Variants in DACH1 observed in about 807,000 individuals in gnomAD.
DACH1 encodes dachshund homolog 1.
Under a neutral mutation model 54.2 loss-of-function variants are expected in DACH1, and 12 were observed. The observed-to-expected ratio is 0.22, with a 90% CI of 0.14 to 0.36. DACH1 has a LOEUF of 0.36. Among genes scored for constraint, DACH1 ranks in the 10% least tolerant of loss-of-function variants. The probability of loss-of-function intolerance (pLI) is 1.00; values close to 1 mark genes in which losing one functional copy is unlikely to be tolerated. For synonymous variants in DACH1, 386 were observed against 366.2 expected, an observed-to-expected ratio of 1.05 and a Z score of -0.62; for missense variants, 805 against 929.8, an observed-to-expected ratio of 0.87 and a Z score of 1.75.
intron 1 of DACH1, among the ~76,000 whole-genome samples, chr13:71,701,881 C>T (rs1388690552): frequency 2.0e-5 from 3 of 152,116 alleles, no homozygotes; most frequent in Non-Finnish European, 2.9e-5. Flanking sequence ...GGAGCCTAAA[C>T]TTCTAGTCCA....
chr13:71,503,578 T>C (rs561133784), intron 6 of DACH1, among the ~76,000 whole-genome samples: 82 of 152,316 alleles, frequency 5.4e-4, no homozygotes, highest in African/African-American at 1.5e-3. Context: ...AATCCCAATA[T>C]TTACTAAATA....
intron 2 of DACH1, chr13:71,675,117 G>T (rs1413324938): frequency 1.1e-5 from 18 of 1,580,646 alleles, no homozygotes; most frequent in Non-Finnish European, 1.4e-5. Context: ...AAGCACCCAG[G>T]AAGTAACTGG....
chr13:71,856,767 T>C (rs1305640413), intron 1 of DACH1, among the ~76,000 whole-genome samples: 1 of 151,882 alleles, frequency 6.6e-6, no homozygotes, highest in African/African-American at 2.4e-5. Context: ...CATGGAATTA[T>C]TGAGAAAGTA....
intron 3 of DACH1, among the ~76,000 whole-genome samples, chr13:71,584,190 T>C (rs551887454): frequency 9.8e-5 from 15 of 152,304 alleles, no homozygotes; most frequent in African/African-American, 3.1e-4. Flanking sequence ...AAATAACTTA[T>C]ATGAAACAAC....
At chr13:71,565,319 C>T (rs1467349679) in intron 4 of DACH1, among the ~76,000 whole-genome samples, 1 of 152,088 alleles carries the variant, frequency 6.6e-6, no homozygotes, top group African/African-American at 2.4e-5. Context: ...TACATTAGTT[C>T]AATGAGTATT....
chr13:71,623,303 T>C (rs555582568), intron 3 of DACH1, among the ~76,000 whole-genome samples: 11 of 151,866 alleles, frequency 7.2e-5, no homozygotes, highest in Middle Eastern at 6.8e-3. Context: ...AAGAGCTTCA[T>C]AAAATGATCA....
intron 6 of DACH1, among the ~76,000 whole-genome samples, chr13:71,520,785 G>C (rs1477243452): frequency 1.3e-5 from 2 of 151,688 alleles, no homozygotes; most frequent in East Asian, 3.9e-4. Flanking sequence ...TTGCATTGGA[G>C]AAAGAAGAAA....
chr13:71,452,577 C>T (rs778489639), intron 10 of DACH1, among the ~76,000 whole-genome samples: 24 of 152,150 alleles, frequency 1.6e-4, no homozygotes, highest in Non-Finnish European at 2.9e-4. Context: ...GTCATACGGA[C>T]AGTGTTCTCA....
chr13:71,470,253 C>T (rs1876952044), intron 10 of DACH1, among the ~76,000 whole-genome samples: 1 of 151,784 alleles, frequency 6.6e-6, no homozygotes, highest in Non-Finnish European at 1.5e-5. Context: ...ATAAACACAT[C>T]CTGTTAATTC....
intron 3 of DACH1, among the ~76,000 whole-genome samples, chr13:71,589,885 C>T (rs778301327): frequency 1.3e-5 from 2 of 151,916 alleles, no homozygotes; most frequent in Non-Finnish European, 2.9e-5. Flanking sequence ...CACATTCATG[C>T]TAAAAGTATA....
chr13:71,649,333 G>A (rs1366497888), intron 2 of DACH1, among the ~76,000 whole-genome samples: 1 of 152,114 alleles, frequency 6.6e-6, no homozygotes, highest in African/African-American at 2.4e-5. Context: ...TCGTCATTAA[G>A]GGAGACATGA....
At chr13:71,839,744 A>G (rs1888944291) in intron 1 of DACH1, among the ~76,000 whole-genome samples, 1 of 152,212 alleles carries the variant, frequency 6.6e-6, no homozygotes, top group African/African-American at 2.4e-5. Context: ...CATCTAACTC[A>G]AAGTCTTCAA....
chr13:71,699,767 A>G (rs1882019131), intron 1 of DACH1, among the ~76,000 whole-genome samples: 1 of 152,220 alleles, frequency 6.6e-6, no homozygotes, highest in African/African-American at 2.4e-5. Context: ...TTGAGTGTGC[A>G]TATTGGTCTT....
At chr13:71,656,252 C>G (rs7324684) in intron 2 of DACH1, among the ~76,000 whole-genome samples, 169 of 152,276 alleles carry the variant, frequency 1.1e-3, no homozygotes, top group African/African-American at 3.9e-3. Flanking sequence ...CCTGTTCATT[C>G]TGCATTCTTC....
At chr13:71,762,271 T>C (rs952098902) in intron 1 of DACH1, among the ~76,000 whole-genome samples, 3 of 152,110 alleles carry the variant, frequency 2.0e-5, no homozygotes, top group African/African-American at 7.2e-5. Flanking sequence ...TCACCCAATA[T>C]GTTTTATTGA....
chr13:71,820,218 C>A lies in DACH1; in HGVS notation c.848+45704G>T, dbSNP rs1460224545. Among the ~76,000 whole-genome samples the A allele has an allele frequency of 2.0e-5, 3 of 151,096 alleles. No homozygotes were observed. In the East Asian group the frequency reaches 5.9e-4, roughly 30 times the overall value. On this transcript the variant is annotated intron_variant, in intron 1 of 10. Transcript: ENST00000613252. ...AATACCAGACAGTCCAGTGCATCTA[C>A]TGCACTGCCCGAGAGATTGGCTGGG...
At chr13:71,506,281 C>G (rs1880315290) in intron 6 of DACH1, among the ~76,000 whole-genome samples, 1 of 109,682 alleles carries the variant, frequency 9.1e-6, no homozygotes, top group Admixed American at 1.2e-4. Context: ...TGCTATCCCT[C>G]CCCCCTCCCC....
Position 71,629,820 on chromosome 13 carries a change from A to G in DACH1, c.1126+736T>C, listed in dbSNP as rs149512037. Among the ~76,000 whole-genome samples, 947 of 152,258 alleles carry G rather than the reference A, an allele frequency of 6.2e-3. 15 individuals are homozygous for G. The highest frequency in any genetic ancestry group is 0.021 in the African/African-American group (859 of 41,548). On this transcript the variant is annotated intron_variant, in intron 3 of 10. Coordinates refer to ENST00000613252, the MANE Select transcript of DACH1 (RefSeq NM_080759.6). ...TTTAAAGAGAAACAATACAAGTGCA[A>G]TAGCAGAAAAAAAATGTTTTGCCCC... is the stretch of plus-strand genomic sequence containing the variant.
chr13:71,524,739 C>T (rs941543061), intron 6 of DACH1, among the ~76,000 whole-genome samples: 2 of 151,950 alleles, frequency 1.3e-5, no homozygotes, highest in African/African-American at 4.8e-5. Context: ...GCAAGTCCAT[C>T]TCCGGAGGAT....
Sources: allele counts gnomAD v4.1 joint callset (sites outside exome capture counted in the v4.1 genomes callset), GRCh38; gene constraint gnomAD v4.1.1; transcripts MANE v1.5; gene names NCBI Gene and HGNC (gene_info 2026-07-23, HGNC 2026-07-21).